CADM1: variants seen among roughly 807,000 people sequenced by gnomAD.
CADM1 encodes TSLC-1.
Under a neutral mutation model 53.1 loss-of-function variants are expected in CADM1, and 15 were observed. That is an observed-to-expected ratio of 0.28 (90% CI 0.19 to 0.44). The LOEUF (loss-of-function observed/expected upper bound fraction) is 0.44. CADM1 is among the 20% of genes least tolerant of loss of function. The pLI is 1.00. For missense variants in CADM1, 434 were observed against 611.3 expected, an observed-to-expected ratio of 0.71 and a Z score of 3.06; for synonymous variants, 281 against 243.0, an observed-to-expected ratio of 1.16 and a Z score of -1.45.
chr11:115,227,692 T>C (rs934464632), intron 5 of CADM1, among the ~76,000 whole-genome samples: 17 of 152,190 alleles, frequency 1.1e-4, no homozygotes, highest in Non-Finnish European at 1.5e-4. Flanking sequence ...GATGCCCATA[T>C]TGAAGCAGAT....
chr11:115,312,497 T>A lies in CADM1; in HGVS notation c.125-72077A>T, dbSNP rs192369372. Among the ~76,000 whole-genome samples, 8 of 152,284 alleles carry A rather than the reference T, an allele frequency of 5.3e-5. 1 individual carries two copies. In the East Asian group the frequency reaches 1.5e-3, roughly 29 times the overall value. ...ATAGCTGAAATCACAGGACTTATAG[T>A]AAATCATACTCAGGAAAAACACCTA... is the stretch of plus-strand genomic sequence containing the variant. On this transcript the variant is annotated intron_variant, in intron 1 of 11. Transcript: ENST00000331581.
At chr11:115,422,156 C>T (rs544700984) in intron 1 of CADM1, among the ~76,000 whole-genome samples, 19 of 152,256 alleles carry the variant, frequency 1.2e-4, no homozygotes, top group East Asian at 1.9e-4. Context: ...GCAAGATAAA[C>T]GAGTTTAACT....
At chr11:115,462,366 T>C (rs1421832235) in intron 1 of CADM1, among the ~76,000 whole-genome samples, 1 of 152,172 alleles carries the variant, frequency 6.6e-6, no homozygotes, top group African/African-American at 2.4e-5. Context: ...TCACCTGCAC[T>C]ACATACAGGG....
chr11:115,282,327 C>G (rs1332402062), intron 1 of CADM1, among the ~76,000 whole-genome samples: 1 of 152,112 alleles, frequency 6.6e-6, no homozygotes, highest in South Asian at 2.1e-4. Context: ...CTGCATCTAC[C>G]CTATGGCTGG....
rs1271818842 is a variant in CADM1 at position 115,176,418 on chromosome 11, CTCTT to C, written c.*52_*55del. 1.3e-4 allele frequency: 207 copies of C among 1,609,258 alleles called. No individual in the cohort carries two copies. Among genetic ancestry groups the C allele is most frequent in the Non-Finnish European group, 1.4e-4 (163 of 1,177,046 alleles). ...TTCTCGCAAGTTCCAATATCACTGT[CTCTT>C]TATCATCTAAATAGGGCCAGTTGGA... On this transcript the variant is annotated 3_prime_UTR_variant, in exon 12 of 12. Transcript: ENST00000331581.
intron 1 of CADM1, among the ~76,000 whole-genome samples, chr11:115,385,886 G>A (rs1946688544): frequency 6.6e-6 from 1 of 152,142 alleles, no homozygotes; most frequent in South Asian, 2.1e-4. Context: ...CTTGCTGACA[G>A]CTCCCTAGAC....
chr11:115,225,005 T>G (rs1235293915), intron 5 of CADM1, among the ~76,000 whole-genome samples: 1 of 152,206 alleles, frequency 6.6e-6, no homozygotes. Context: ...AACTGTTCTC[T>G]GCATAACATC....
chr11:115,310,066 C>A (rs2135159425), intron 1 of CADM1, among the ~76,000 whole-genome samples: 1 of 151,958 alleles, frequency 6.6e-6, no homozygotes, highest in African/African-American at 2.4e-5. Flanking sequence ...TTCTCTATTA[C>A]CTAAATGTTT....
At chr11:115,214,503 A>T in intron 7 of CADM1, 105 bp downstream of exon 7, 2 of 1,151,944 alleles carry the variant, frequency 1.7e-6, no homozygotes, top group Non-Finnish European at 2.6e-6. Flanking sequence ...AAGGAAACCA[A>T]CTGGTTTTTG....
rs148344470 is a variant in CADM1, at chr11:115,249,537, A to G, written c.125-9117T>C. On this transcript the variant is annotated intron_variant, in intron 1 of 11. Transcript: ENST00000331581. ...ATCTACATTTCCCAAAACACAAGCT[A>G]TTCACAACTAAAACAAAAGGTTTAC... Among the ~76,000 whole-genome samples, 390 of 152,358 alleles carry G rather than the reference A, an allele frequency of 2.6e-3. 2 individuals carry two copies. The highest frequency in any genetic ancestry group is 8.9e-3 in the African/African-American group (370 of 41,584).
At chr11:115,231,816 A>G (rs2134860112) in intron 3 of CADM1, among the ~76,000 whole-genome samples, 1 of 152,174 alleles carries the variant, frequency 6.6e-6, no homozygotes. Context: ...GAGAAACCCC[A>G]TCTCTATTAA....
chr11:115,378,777 C>T (rs1946502978), intron 1 of CADM1, among the ~76,000 whole-genome samples: 1 of 152,334 alleles, frequency 6.6e-6, no homozygotes, highest in East Asian at 1.9e-4. Flanking sequence ...ATATTGTCTA[C>T]AGCAGCTTTC....
chr11:115,267,682 T>G (rs560749349), intron 1 of CADM1, among the ~76,000 whole-genome samples: 1 of 101,852 alleles, frequency 9.8e-6, no homozygotes, highest in Non-Finnish European at 1.7e-5. Flanking sequence ...TGCTTTCTTT[T>G]TTTTTTTTTT....
At chr11:115,437,987 G>T (rs937774178) in intron 1 of CADM1, among the ~76,000 whole-genome samples, 2 of 152,144 alleles carry the variant, frequency 1.3e-5, no homozygotes, top group South Asian at 4.2e-4. Flanking sequence ...CAGAACTCCA[G>T]GAGCACCGTG....
intron 1 of CADM1, among the ~76,000 whole-genome samples, chr11:115,273,736 C>T (rs1210952865): frequency 6.6e-6 from 1 of 152,194 alleles, no homozygotes; most frequent in African/African-American, 2.4e-5. Context: ...TATAATTATG[C>T]AATGGGTAAA....
intron 1 of CADM1, among the ~76,000 whole-genome samples, chr11:115,370,983 T>C (rs1022410004): frequency 3.3e-5 from 5 of 151,872 alleles, no homozygotes; most frequent in African/African-American, 1.2e-4. Flanking sequence ...ATAACAATTA[T>C]AAAAAAGGAG....
At chr11:115,247,232 G>A (rs988322870) in intron 1 of CADM1, among the ~76,000 whole-genome samples, 3 of 152,128 alleles carry the variant, frequency 2.0e-5, no homozygotes, top group Non-Finnish European at 2.9e-5. Context: ...ATATGTTTCA[G>A]TTTTGCTATA....
At chr11:115,317,856 T>A (rs1415987023) in intron 1 of CADM1, among the ~76,000 whole-genome samples, 1 of 152,214 alleles carries the variant, frequency 6.6e-6, no homozygotes, top group Admixed American at 6.5e-5. Flanking sequence ...AGTAGGACAT[T>A]GCCTATGAAA....
At chr11:115,477,474 C>T (rs903679148) in intron 1 of CADM1, among the ~76,000 whole-genome samples, 1 of 152,194 alleles carries the variant, frequency 6.6e-6, no homozygotes, top group African/African-American at 2.4e-5. Context: ...GTTTTCTAAA[C>T]TTGCATTAAG....
Sources: allele counts gnomAD v4.1 joint callset (sites outside exome capture counted in the v4.1 genomes callset), GRCh38; gene constraint gnomAD v4.1.1; transcripts MANE v1.5; gene names NCBI Gene and HGNC (gene_info 2026-07-23, HGNC 2026-07-21).